The following PARD3B variants were observed in gnomAD, a reference collection of about 807,000 sequenced individuals.
PARD3B encodes par-3 family cell polarity regulator beta.
A neutral mutation model predicts 130.2 loss-of-function variants in PARD3B; 103 were observed. The observed-to-expected ratio is 0.79, with a 90% confidence interval of 0.67 to 0.93. The LOEUF (loss-of-function observed/expected upper bound fraction) is 0.93, where lower values mean the gene tolerates loss of function less well. Ranked by LOEUF, PARD3B falls within the 40% of genes least tolerant of loss-of-function variation. PARD3B has a pLI of 0.00. For synonymous variants in PARD3B, 583 were observed against 553.2 expected (o/e 1.05, Z -0.76); for missense variants, 1,609 against 1,499.2 (o/e 1.07, Z -1.21).
At chr2:205,000,091 G>A (rs577494990) in intron 3 of PARD3B, among the ~76,000 whole-genome samples, 4 of 152,012 alleles carry the variant, frequency 2.6e-5, no homozygotes, top group East Asian at 3.9e-4. Flanking sequence ...TACTGAACAG[G>A]CAGCTTTGTG....
chr2:205,148,008 T>G (rs1483110883), intron 10 of PARD3B, among the ~76,000 whole-genome samples: 1 of 152,098 alleles, frequency 6.6e-6, no homozygotes, highest in Non-Finnish European at 1.5e-5. Flanking sequence ...ACATACATAG[T>G]CTATATTCTA....
chr2:205,375,050 C>T (rs1043632396), intron 18 of PARD3B, among the ~76,000 whole-genome samples: 3 of 152,028 alleles, frequency 2.0e-5, no homozygotes, highest in Non-Finnish European at 2.9e-5. Flanking sequence ...TAGGTAACCC[C>T]ATAATGTAAT....
rs971907030 is a variant in PARD3B at position 204,606,810 on chromosome 2, G to A, written c.120+60691G>A. Reference sequence around the variant, plus strand: ...GACTACTGAGAGTCCTTTATATCTCGTTTGGAGGCTGCTCTGTCCAGGGAG... The same window carrying A: ...GACTACTGAGAGTCCTTTATATCTCATTTGGAGGCTGCTCTGTCCAGGGAG... On this transcript the variant is annotated intron_variant, in intron 1 of 22. Coordinates refer to ENST00000406610, the MANE Select transcript of PARD3B (RefSeq NM_001302769.2). This position sits in a 1 kb window ranked among gnomAD's most constrained non-coding sequence, Gnocchi z 4.0. 6.6e-6 allele frequency among the ~76,000 whole-genome samples: 1 copy of A among 152,094 alleles called. No homozygotes were observed. Among genetic ancestry groups the A allele is most frequent in the African/African-American group, 2.4e-5 (1 of 41,408 alleles).
intron 20 of PARD3B, among the ~76,000 whole-genome samples, chr2:205,455,688 T>C (rs938741641): frequency 6.6e-6 from 1 of 152,058 alleles, no homozygotes; most frequent in Admixed American, 6.6e-5. Flanking sequence ...TATTTTGAAA[T>C]TTTTCTAGAG....
chr2:205,355,066 C>T (rs562184538), intron 18 of PARD3B, among the ~76,000 whole-genome samples: 10 of 152,260 alleles, frequency 6.6e-5, no homozygotes, highest in South Asian at 2.1e-4. Context: ...TGGCCAAGAG[C>T]GTCTCTTGAA....
intron 2 of PARD3B, among the ~76,000 whole-genome samples, chr2:204,812,941 C>T (rs1262488726): frequency 6.6e-6 from 1 of 152,154 alleles, no homozygotes; most frequent in Admixed American, 6.6e-5. Context: ...TGCTTAACTA[C>T]TTATTCTAAC....
intron 3 of PARD3B, among the ~76,000 whole-genome samples, chr2:205,000,017 G>A (rs1225457260): frequency 6.6e-6 from 1 of 151,454 alleles, no homozygotes; most frequent in East Asian, 1.9e-4. Flanking sequence ...TCAAGTCACA[G>A]GGTTTTTTTT....
chr2:204,975,383 G>A (rs77284147), intron 3 of PARD3B, among the ~76,000 whole-genome samples: 7,178 of 152,144 alleles, frequency 0.047, 225 homozygotes, highest in African/African-American at 0.075. Flanking sequence ...GCTACTCCCC[G>A]GACACGATCT....
chr2:205,426,438 G>GA (rs1441196668), intron 19 of PARD3B, among the ~76,000 whole-genome samples: 4 of 152,182 alleles, frequency 2.6e-5, no homozygotes, highest in African/African-American at 9.7e-5. Context: ...ATGATAGCCA[G>GA]ACAAATTATC....
Position 205,187,887 on chromosome 2 carries a change from CG to C in PARD3B, c.2024+2025del, listed in dbSNP as rs1481085718. On this transcript the variant is annotated intron_variant, in intron 14 of 22. Coordinates refer to ENST00000406610, the MANE Select transcript of PARD3B (RefSeq NM_001302769.2). This position sits in a 1 kb window ranked among gnomAD's most constrained non-coding sequence, Gnocchi z 4.9. The stretch of plus-strand genomic sequence containing the variant: ...AATCTCCTTTCAGTCAAAAGTATGA[CG>C]TTGTCTTAGACTTCATTCTTCTTTT... Among the ~76,000 whole-genome samples the C allele has an allele frequency of 1.3e-5, 2 of 152,142 alleles. No individual in the cohort carries two copies. The highest frequency in any genetic ancestry group is 1.3e-4 in the Admixed American group (2 of 15,272).
chr2:205,595,424 G>A (rs190245473), intron 22 of PARD3B, among the ~76,000 whole-genome samples: 1 of 152,268 alleles, frequency 6.6e-6, no homozygotes, highest in East Asian at 1.9e-4. Flanking sequence ...AATCACTTCA[G>A]CATTTACTTT....
At chr2:204,876,551 CGAA>C (rs1448780127) in intron 2 of PARD3B, among the ~76,000 whole-genome samples, 1 of 152,136 alleles carries the variant, frequency 6.6e-6, no homozygotes, top group Non-Finnish European at 1.5e-5. Context: ...AAGTAAGATG[CGAA>C]GAAGACTGTA....
At chr2:204,919,259 A>G (rs1259980621) in intron 2 of PARD3B, among the ~76,000 whole-genome samples, 1 of 152,222 alleles carries the variant, frequency 6.6e-6, no homozygotes. Context: ...ATCTTTATAA[A>G]GTAAAATTTA....
At chr2:204,852,171 GT>G (rs778196549) in intron 2 of PARD3B, among the ~76,000 whole-genome samples, 217 of 142,544 alleles carry the variant, frequency 1.5e-3, no homozygotes, top group Middle Eastern at 3.6e-3. Context: ...CTTGCCACAA[GT>G]TTTTTTTTTT....
intron 18 of PARD3B, among the ~76,000 whole-genome samples, chr2:205,399,609 C>G (rs2046172846): frequency 6.6e-6 from 1 of 152,164 alleles, no homozygotes; most frequent in African/African-American, 2.4e-5. Flanking sequence ...CCTGCCTTGG[C>G]CTCCCAAAGT....
rs1246518003 is a variant in PARD3B at position 204,887,664 on chromosome 2, T to C, written c.223-77488T>C. ...AGTATTAACAGAGCACTATTCTATA[T>C]GCAGCGCCATTTCATACCCTTTGGG... On this transcript the variant is annotated intron_variant, in intron 2 of 22. Transcript: ENST00000406610. The surrounding 1 kb of genome is among the most constrained non-coding windows in gnomAD (Gnocchi z 4.2). Among the ~76,000 whole-genome samples, 2 of 152,154 alleles carry C rather than the reference T, an allele frequency of 1.3e-5. No homozygotes were observed. The highest frequency in any genetic ancestry group is 4.8e-5 in the African/African-American group (2 of 41,436).
At chr2:205,307,752 A>G (rs921759315) in intron 18 of PARD3B, among the ~76,000 whole-genome samples, 2 of 152,174 alleles carry the variant, frequency 1.3e-5, no homozygotes, top group Non-Finnish European at 2.9e-5. Flanking sequence ...GTCAATCCTT[A>G]TGTTACTTAA....
chr2:205,254,709 A>G (rs1267431691), intron 16 of PARD3B, among the ~76,000 whole-genome samples: 13 of 150,004 alleles, frequency 8.7e-5, no homozygotes, highest in Admixed American at 2.7e-4. Flanking sequence ...TGTCGCCCAG[A>G]CTGGAGTGCA....
At chr2:205,377,202 CTTAG>C (rs1349572866) in intron 18 of PARD3B, among the ~76,000 whole-genome samples, 1 of 152,088 alleles carries the variant, frequency 6.6e-6, no homozygotes, top group Non-Finnish European at 1.5e-5. Flanking sequence ...GAAATGCAAC[CTTAG>C]TTAGAAGGAA....
Sources: gnomAD v4.1 joint callset for allele counts (sites outside exome capture counted in the v4.1 genomes callset) on GRCh38, gnomAD v4.1.1 for gene constraint, Gnocchi (gnomAD v3.1) non-coding constraint, MANE v1.5 for transcripts, NCBI Gene and HGNC (gene_info 2026-07-23, HGNC 2026-07-21) for gene names.